CUBN: variants seen among roughly 807,000 people sequenced by gnomAD.
CUBN encodes cubilin.
A neutral mutation model predicts 405.3 loss-of-function variants in CUBN; 282 were observed. The observed-to-expected ratio is 0.70, with a 90% confidence interval of 0.63 to 0.77. CUBN has a LOEUF of 0.77. Among genes scored for constraint, CUBN ranks in the 30% least tolerant of loss-of-function variants. CUBN has a pLI of 0.00. For missense variants in CUBN, 4,514 were observed against 4,475.2 expected (o/e 1.01, Z -0.25); for synonymous variants, 1,684 against 1,617.0 (o/e 1.04, Z -0.99).
At chr10:16,939,517 T>C (rs1842600135) in intron 37 of CUBN, among the ~76,000 whole-genome samples, 1 of 152,210 alleles carries the variant, frequency 6.6e-6, no homozygotes, top group Non-Finnish European at 1.5e-5. Context: ...CAAGAAAAAC[T>C]GATAGTTTGA....
intron 35 of CUBN, among the ~76,000 whole-genome samples, chr10:16,947,645 T>G (rs1564440892): frequency 6.6e-6 from 1 of 152,210 alleles, no homozygotes; most frequent in Non-Finnish European, 1.5e-5. Context: ...ATAAAAGACT[T>G]GTTTACCATC....
At chr10:16,884,574 A>C (rs1380188755) in intron 56 of CUBN, among the ~76,000 whole-genome samples, 1 of 152,196 alleles carries the variant, frequency 6.6e-6, no homozygotes, top group Non-Finnish European at 1.5e-5. Context: ...GGAAATGTAA[A>C]AGTAATGAGA....
intron 24 of CUBN, 115 bp downstream of exon 24, chr10:17,045,819 A>C: frequency 9.8e-7 from 1 of 1,016,994 alleles, no homozygotes; most frequent in South Asian, 1.3e-5. Flanking sequence ...GCAATATTGA[A>C]GTTTAAATAC....
rs375708805 is a variant in CUBN at position 16,967,777 on chromosome 10, AAGAGAG to A, written c.4696-13235_4696-13230del. Among the ~76,000 whole-genome samples, 10 of 143,690 alleles carry A rather than the reference AAGAGAG, an allele frequency of 7.0e-5. No homozygotes were observed. In the Admixed American group the frequency reaches 7.0e-4, roughly 10 times the overall value. The allele number at this position is 143,690 out of a possible 152,430, so 94.3% of individuals were successfully genotyped here. A position where few individuals can be genotyped will look rare whatever the true frequency, so the allele number is the denominator to read the frequency against. On this transcript the variant is annotated intron_variant, in intron 31 of 66. Coordinates refer to ENST00000377833, the MANE Select transcript of CUBN (RefSeq NM_001081.4). ...AAAGATAAGAAGAGAAGGAGGGAGA[AAGAGAG>A]AGAAGGAGAGACGGAGAGAGAAAGA...
At chr10:17,109,618 A>C in intron 10 of CUBN, 22 bp downstream of exon 10, 1 of 1,592,634 alleles carries the variant, frequency 6.3e-7, no homozygotes, top group Non-Finnish European at 8.6e-7. Context: ...ACCCAAAGCC[A>C]AAGAGAGAGA....
At chr10:16,963,729 G>T (rs1392873799) in intron 31 of CUBN, among the ~76,000 whole-genome samples, 1 of 152,154 alleles carries the variant, frequency 6.6e-6, no homozygotes, top group Middle Eastern at 3.2e-3. Context: ...CTAAAAGAAT[G>T]CATTAGATCT....
rs539957323 is a variant in CUBN at position 16,937,529 on chromosome 10, C to A, written c.5926+63G>T. Reference sequence around the variant, plus strand: ...TATCTGACCCCTGTTATGATAGGATCCTTTGAAACATTGGCCTGCACATAT... The same window carrying A: ...TATCTGACCCCTGTTATGATAGGATACTTTGAAACATTGGCCTGCACATAT... On this transcript the variant is annotated intron_variant, in intron 39 of 66. Coordinates refer to ENST00000377833, the MANE Select transcript of CUBN (RefSeq NM_001081.4). The A allele has an allele frequency of 5.2e-5, 72 of 1,392,038 alleles. No individual in the cohort carries two copies. The African/African-American group carries it at 9.7e-4, about 19-fold the overall frequency. 86.2% of individuals were successfully genotyped at this position (1,392,038 alleles called of 1,614,324 possible). A position where few individuals can be genotyped will look rare whatever the true frequency, so the allele number is the denominator to read the frequency against.
At chr10:16,937,898 C>A in intron 38 of CUBN, 114 bp from the exon 39 acceptor site, 1 of 903,362 alleles carries the variant, frequency 1.1e-6, no homozygotes, top group Non-Finnish European at 1.7e-6. Flanking sequence ...AAAAAAATGA[C>A]AAATGAGTAA....
intron 3 of CUBN, among the ~76,000 whole-genome samples, chr10:17,127,323 TG>T (rs1443852130): frequency 6.8e-6 from 1 of 146,400 alleles, no homozygotes; most frequent in Non-Finnish European, 1.5e-5. Flanking sequence ...TGGAGCACAG[TG>T]GCATGATCAT....
intron 31 of CUBN, among the ~76,000 whole-genome samples, chr10:16,971,741 G>A (rs7079966): frequency 6.6e-6 from 1 of 151,876 alleles, no homozygotes; most frequent in African/African-American, 2.4e-5. Context: ...TCTACTGTTC[G>A]CCTGGCTCTC....
At chr10:16,927,574 G>A (rs891443912) in intron 41 of CUBN, among the ~76,000 whole-genome samples, 2 of 152,054 alleles carry the variant, frequency 1.3e-5, no homozygotes, top group Non-Finnish European at 2.9e-5. Context: ...CTCTTCCTTG[G>A]ACTACTTTAT....
At chr10:16,829,979 AGG>A (rs1175149461) in intron 65 of CUBN, among the ~76,000 whole-genome samples, 2 of 149,164 alleles carry the variant, frequency 1.3e-5, no homozygotes, top group Non-Finnish European at 3.0e-5. Context: ...TCCGTCACCC[AGG>A]CTGGAGTGCA....
chr10:17,115,420 G>A (rs1057495396), intron 7 of CUBN, 51 bp downstream of exon 7: 1 of 1,610,878 alleles, frequency 6.2e-7, no homozygotes, highest in Non-Finnish European at 8.5e-7. Context: ...AGGAGGAGGA[G>A]CTACTAACCA....
At chr10:16,881,175 T>G (rs183171022) in intron 56 of CUBN, among the ~76,000 whole-genome samples, 1 of 152,128 alleles carries the variant, frequency 6.6e-6, no homozygotes, top group Non-Finnish European at 1.5e-5. Flanking sequence ...TAGGGAAAAA[T>G]TGCTGATGCT....
chr10:17,057,071 G>T (rs1835411785), intron 22 of CUBN, among the ~76,000 whole-genome samples: 1 of 152,140 alleles, frequency 6.6e-6, no homozygotes, highest in Non-Finnish European at 1.5e-5. Context: ...GAAAAGAACT[G>T]CTGCAAGGCA....
chr10:16,831,790 T>A (rs1456716968), intron 64 of CUBN, among the ~76,000 whole-genome samples: 1 of 152,190 alleles, frequency 6.6e-6, no homozygotes, highest in Non-Finnish European at 1.5e-5. Flanking sequence ...GCGGGGGCAA[T>A]GTTGCCTGCT....
rs141460734 is a variant in CUBN at position 16,937,815 on chromosome 10, T to C, written c.5734-31A>G. 10 of 1,584,608 alleles carry C rather than the reference T, an allele frequency of 6.3e-6. No homozygotes were observed. In the African/African-American group the frequency reaches 9.5e-5, roughly 15 times the overall value. ...CATAAAAACAGATAATAGAGCATTG[T>C]ATTATCTATATTTTTCTTCATAAAA... On this transcript the variant is annotated intron_variant, in intron 38 of 66. Coordinates refer to ENST00000377833, the MANE Select transcript of CUBN (RefSeq NM_001081.4).
chr10:16,900,939 T>C, intron 52 of CUBN, 89 bp from the exon 53 acceptor site: 1 of 944,164 alleles, frequency 1.1e-6, no homozygotes, highest in South Asian at 1.5e-5. Flanking sequence ...ATTTTGTTTT[T>C]ATTTTTATAA....
chr10:16,969,585 C>A (rs377286324), intron 31 of CUBN, among the ~76,000 whole-genome samples: 2 of 152,196 alleles, frequency 1.3e-5, no homozygotes, highest in East Asian at 1.9e-4. Context: ...AATCTCTAGA[C>A]CTCATGATCC....
Sources: allele counts gnomAD v4.1 joint callset (sites outside exome capture counted in the v4.1 genomes callset), GRCh38; gene constraint gnomAD v4.1.1; transcripts MANE v1.5; gene names NCBI Gene and HGNC (gene_info 2026-07-23, HGNC 2026-07-21).